The following BACE2 variants were observed in gnomAD, a reference collection of about 807,000 sequenced individuals.
The protein encoded by BACE2 is 56 kDa aspartic-like protease.
BACE2 carries 17 observed loss-of-function variants against 46.2 expected under a neutral mutation model. That is an observed-to-expected ratio of 0.37 (90% confidence interval 0.25 to 0.55). The LOEUF (loss-of-function observed/expected upper bound fraction) is 0.55, where lower values mean the gene tolerates loss of function less well. BACE2 is among the 20% of genes least tolerant of loss of function. BACE2 has a pLI of 0.82. For missense variants in BACE2, 595 were observed against 698.1 expected (o/e 0.85, Z 1.66); for synonymous variants, 277 against 295.9 (o/e 0.94, Z 0.66).
Position 41,281,718 on chromosome 21 carries a change from C to G in BACE2, c.*6094C>G, listed in dbSNP as rs953391713. 1 of 152,168 alleles carries G rather than the reference C, an allele frequency of 6.6e-6. No homozygotes were observed. The highest frequency in any genetic ancestry group is 2.4e-5 in the African/African-American group (1 of 41,452). The allele number at this position is 152,168 out of a possible 1,614,324, so 9.4% of individuals were successfully genotyped here. ...AAAAAAGTGAACAAAGCTAATTAAT[C>G]TATCATGAAAATTGCACAAAATAAC... On this transcript the variant is annotated 3_prime_UTR_variant, in exon 9 of 9. Coordinates refer to ENST00000330333, the MANE Select transcript of BACE2 (RefSeq NM_012105.5).
intron 2 of BACE2, among the ~76,000 whole-genome samples, chr21:41,235,238 C>T (rs1482412029): frequency 1.3e-5 from 2 of 152,116 alleles, no homozygotes; most frequent in Non-Finnish European, 2.9e-5. Flanking sequence ...GTCTCATTGA[C>T]GTATTTTTCT....
intron 8 of BACE2, among the ~76,000 whole-genome samples, chr21:41,267,379 G>A (rs997109176): frequency 1.3e-5 from 2 of 152,086 alleles, no homozygotes; most frequent in South Asian, 2.1e-4. Flanking sequence ...CTACGGCTAC[G>A]AAAATAATAG....
intron 2 of BACE2, among the ~76,000 whole-genome samples, chr21:41,228,715 C>T (rs1986890206): frequency 6.6e-6 from 1 of 152,166 alleles, no homozygotes; most frequent in African/African-American, 2.4e-5. Flanking sequence ...TTCCACCAGG[C>T]CCCACTTCCT....
At chr21:41,208,755 C>T (rs1272357764) in intron 1 of BACE2, among the ~76,000 whole-genome samples, 9 of 152,082 alleles carry the variant, frequency 5.9e-5, no homozygotes, top group Admixed American at 5.9e-4. Context: ...CCCTCTGCTC[C>T]CCATCTCTGC....
At chr21:41,257,939 C>T (rs1987835174) in intron 8 of BACE2, among the ~76,000 whole-genome samples, 2 of 152,144 alleles carry the variant, frequency 1.3e-5, no homozygotes, top group African/African-American at 4.8e-5. Context: ...TCAGACTTCA[C>T]GGTTTGCTTG....
intron 1 of BACE2, among the ~76,000 whole-genome samples, chr21:41,200,342 C>A (rs1460806947): frequency 6.6e-6 from 1 of 152,040 alleles, no homozygotes. Context: ...ATATTTCGAT[C>A]ATTTAAATTC....
intron 1 of BACE2, among the ~76,000 whole-genome samples, chr21:41,205,026 C>G (rs1986082538): frequency 6.6e-6 from 1 of 152,158 alleles, no homozygotes. Flanking sequence ...AATGGCTGGC[C>G]TGAAATTAGC....
At chr21:41,198,329 A>G (rs1247344708) in intron 1 of BACE2, among the ~76,000 whole-genome samples, 1 of 152,204 alleles carries the variant, frequency 6.6e-6, no homozygotes, top group African/African-American at 2.4e-5. Flanking sequence ...GTTTATCCCC[A>G]AATTTTCAAA....
intron 1 of BACE2, among the ~76,000 whole-genome samples, chr21:41,209,013 G>A (rs372365264): frequency 5.9e-5 from 9 of 152,292 alleles, no homozygotes; most frequent in African/African-American, 1.4e-4. Context: ...TTGCAGCCAC[G>A]TACAGGTGGT....
intron 5 of BACE2, among the ~76,000 whole-genome samples, chr21:41,245,644 G>A (rs1297270541): frequency 6.6e-6 from 1 of 152,264 alleles, no homozygotes; most frequent in East Asian, 1.9e-4. Context: ...GGGCAGGAGT[G>A]CAGGTCCTCA....
rs981935774 is a variant in BACE2 at position 41,193,799 on chromosome 21, G to A, written c.312+25224G>A. 2.0e-5 allele frequency among the ~76,000 whole-genome samples: 3 copies of A among 152,120 alleles called. No homozygotes were observed. Among genetic ancestry groups the A allele is most frequent in the East Asian group, 1.9e-4 (1 of 5,186 alleles). On this transcript the variant is annotated intron_variant, in intron 1 of 8. Transcript: ENST00000330333. This position sits in a 1 kb window ranked among gnomAD's most constrained non-coding sequence, Gnocchi z 4.2. Reference sequence around the variant, plus strand: ...AAACTCCTTTAAGTACCTGACTTCCGTAAGCCTCTACTTTACTGGAGGACC... The same window carrying A: ...AAACTCCTTTAAGTACCTGACTTCCATAAGCCTCTACTTTACTGGAGGACC...
At chr21:41,179,950 A>C (rs920489966) in intron 1 of BACE2, 1 of 361,490 alleles carries the variant, frequency 2.8e-6, no homozygotes, top group Non-Finnish European at 5.6e-6. Context: ...TTGCCCAGGA[A>C]GGAACTCAAG....
At chr21:41,236,641 C>T (rs1987127210) in intron 2 of BACE2, 1 of 152,394 alleles carries the variant, frequency 6.6e-6, no homozygotes, top group African/African-American at 2.4e-5. Flanking sequence ...GGACCTGTGA[C>T]ATGAAGGACC....
intron 7 of BACE2, among the ~76,000 whole-genome samples, chr21:41,254,993 G>A (rs917402319): frequency 2.6e-5 from 4 of 152,208 alleles, no homozygotes; most frequent in Non-Finnish European, 2.9e-5. Context: ...GTTGGGCGAG[G>A]GAGTGATTTG....
At chr21:41,191,018 T>C (rs1186462162) in intron 1 of BACE2, among the ~76,000 whole-genome samples, 1 of 152,182 alleles carries the variant, frequency 6.6e-6, no homozygotes. Context: ...CTTAATGTCA[T>C]GGGAACAGGC....
chr21:41,233,664 C>A (rs1987029097), intron 2 of BACE2, among the ~76,000 whole-genome samples: 1 of 152,198 alleles, frequency 6.6e-6, no homozygotes, highest in Non-Finnish European at 1.5e-5. Flanking sequence ...AGGAAAGATA[C>A]AATTACTCTA....
At chr21:41,168,598 G>T (rs1984470026) in intron 1 of BACE2, 23 bp downstream of exon 1, 2 of 1,303,256 alleles carry the variant, frequency 1.5e-6, no homozygotes, top group East Asian at 5.7e-5. Context: ...GGCTGCTGCC[G>T]CGGGCTTTTC....
chr21:41,192,353 T>C (rs1009917496), intron 1 of BACE2, among the ~76,000 whole-genome samples: 6 of 152,194 alleles, frequency 3.9e-5, no homozygotes, highest in African/African-American at 1.4e-4. Context: ...ACTTGTGCCT[T>C]CAGGATCTGC....
intron 1 of BACE2, chr21:41,183,362 A>T (rs568630141): frequency 3.6e-5 from 6 of 167,198 alleles, no homozygotes; most frequent in Non-Finnish European, 7.3e-5. Flanking sequence ...GTGTTCTTTT[A>T]TCTATAAGCC....
Sources: allele counts gnomAD v4.1 joint callset (sites outside exome capture counted in the v4.1 genomes callset), GRCh38; gene constraint gnomAD v4.1.1; non-coding constraint Gnocchi (gnomAD v3.1); transcripts MANE v1.5; gene names NCBI Gene and HGNC (gene_info 2026-07-23, HGNC 2026-07-21).